The following FANK1 variants were observed in gnomAD, a reference collection of about 807,000 sequenced individuals.
FANK1 encodes the protein fibronectin type III and ankyrin repeat domains 1.
In FANK1, 44 loss-of-function variants were observed where a neutral mutation model predicts 45.3. The ratio of observed to expected loss-of-function variants is 0.97; its 90% confidence interval spans 0.76 to 1.25. The LOEUF is 1.25. Among genes scored for constraint, FANK1 ranks in the 50% most tolerant of loss-of-function variants. The probability of loss-of-function intolerance (pLI) is 0.00; values close to 1 mark genes in which losing one functional copy is unlikely to be tolerated. For synonymous variants in FANK1, 149 were observed against 152.5 expected, an observed-to-expected ratio of 0.98 and a Z score of 0.17; for missense variants, 391 against 424.4, an observed-to-expected ratio of 0.92 and a Z score of 0.69.
chr10:125,970,113 A>C (rs1288536807), intron 1 of FANK1, among the ~76,000 whole-genome samples: 1 of 152,168 alleles, frequency 6.6e-6, no homozygotes, highest in African/African-American at 2.4e-5. Context: ...CATCGTCATC[A>C]TGGCCCGTTC....
chr10:125,923,683 A>G (rs1267833572), intron 1 of FANK1, among the ~76,000 whole-genome samples: 5 of 152,006 alleles, frequency 3.3e-5, no homozygotes, highest in Middle Eastern at 3.4e-3. Context: ...ACGTGCCACC[A>G]TGCCCAGCTA....
intron 1 of FANK1, among the ~76,000 whole-genome samples, chr10:125,932,735 C>T (rs1453913992): frequency 6.6e-6 from 1 of 152,144 alleles, no homozygotes; most frequent in African/African-American, 2.4e-5. Flanking sequence ...GTAGGACTTA[C>T]AGTACTATGT....
At chr10:125,940,279 A>G (rs1948365446) in intron 1 of FANK1, among the ~76,000 whole-genome samples, 3 of 152,312 alleles carry the variant, frequency 2.0e-5, no homozygotes, top group Middle Eastern at 3.4e-3. Flanking sequence ...TGTTTTCACT[A>G]TCTCAGCCAG....
At chr10:125,898,343 C>G (rs1186147503) in intron 1 of FANK1, among the ~76,000 whole-genome samples, 1 of 151,986 alleles carries the variant, frequency 6.6e-6, no homozygotes, top group Non-Finnish European at 1.5e-5. Context: ...GATTGAACAA[C>G]GGATCGGACA....
At chr10:125,925,015 A>G (rs1417046206) in intron 1 of FANK1, among the ~76,000 whole-genome samples, 1 of 137,778 alleles carries the variant, frequency 7.3e-6, no homozygotes, top group Admixed American at 9.0e-5. Flanking sequence ...TTGTTACTTA[A>G]CACTCGTCTA....
intron 1 of FANK1, among the ~76,000 whole-genome samples, chr10:125,913,076 T>C (rs1946156181): frequency 6.6e-6 from 1 of 152,254 alleles, no homozygotes; most frequent in Admixed American, 6.5e-5. Context: ...AACATAATTT[T>C]TGTTTCCTGA....
intron 6 of FANK1, among the ~76,000 whole-genome samples, chr10:126,003,200 C>T (rs989444754): frequency 3.3e-5 from 5 of 151,644 alleles, no homozygotes; most frequent in South Asian, 2.1e-4. Flanking sequence ...GCTTGTCTCC[C>T]GGTTGTGGGG....
At chr10:125,964,882 A>G (rs928070955) in intron 1 of FANK1, among the ~76,000 whole-genome samples, 2 of 152,198 alleles carry the variant, frequency 1.3e-5, no homozygotes, top group Non-Finnish European at 1.5e-5. Context: ...CTATTGGCAG[A>G]TTTTAGATTT....
At chr10:125,992,751 G>T (rs1006601456) in intron 3 of FANK1, among the ~76,000 whole-genome samples, 1 of 152,072 alleles carries the variant, frequency 6.6e-6, no homozygotes, top group Non-Finnish European at 1.5e-5. Flanking sequence ...GTAAGATGGA[G>T]GCTGTGGAGT....
chr10:125,934,709 A>AC (rs1259678121), intron 1 of FANK1, among the ~76,000 whole-genome samples: 14 of 94,668 alleles, frequency 1.5e-4, no homozygotes, highest in Non-Finnish European at 2.4e-4. Flanking sequence ...AGTTCCCACC[A>AC]CCTGTACCCC....
chr10:125,971,922 C>T (rs1046886430), intron 1 of FANK1, among the ~76,000 whole-genome samples: 22 of 152,140 alleles, frequency 1.4e-4, no homozygotes, highest in African/African-American at 5.1e-4. Flanking sequence ...CCACTGCGCC[C>T]GGCCGCTCCG....
intron 1 of FANK1, among the ~76,000 whole-genome samples, chr10:125,962,218 T>G (rs1385339994): frequency 1.3e-5 from 2 of 152,158 alleles, no homozygotes; most frequent in Admixed American, 6.5e-5. Flanking sequence ...TCTGCTGTCT[T>G]TCTTTGTTTT....
In FANK1 at chr10:125,943,914, TGC is replaced by T. The variant is rs1304988156; in HGVS notation, c.14-36245_14-36244del. On this transcript the variant is annotated intron_variant, in intron 1 of 10. Transcript: ENST00000368693. ...GGGATAACTAAGTGATAAAGCGAAC[TGC>T]GTCCAGAATATATTTTAAGTACTTA... is the stretch of plus-strand genomic sequence containing the variant. Among the ~76,000 whole-genome samples, 5 of 152,382 alleles carry T rather than the reference TGC, an allele frequency of 3.3e-5. No homozygotes were observed. In the East Asian group the frequency reaches 5.8e-4, roughly 18 times the overall value.
Position 125,934,724 on chromosome 10 carries a change from GTTTT to G in FANK1, c.13+38103_13+38106del, listed in dbSNP as rs145182884. Among the ~76,000 whole-genome samples the G allele has an allele frequency of 8.6e-3, 226 of 26,430 alleles. 5 individuals carry two copies. The highest frequency in any genetic ancestry group is 0.026 in the Admixed American group (40 of 1,534). The allele number at this position is 26,430 out of a possible 152,430, so 17.3% of individuals were successfully genotyped here. On this transcript the variant is annotated intron_variant, in intron 1 of 10. Transcript: ENST00000368693. ...AGTTCCCACCACCTGTACCCCTACC[GTTTT>G]TTTTTTTTTTTTTTTTTTTTTTTTT...
At chr10:125,930,117 T>A (rs1250441875) in intron 1 of FANK1, among the ~76,000 whole-genome samples, 1 of 152,094 alleles carries the variant, frequency 6.6e-6, no homozygotes, top group East Asian at 1.9e-4. Context: ...TGCAGTGGCA[T>A]GATCCTGGCT....
At chr10:125,939,935 T>TTA (rs1256897610) in intron 1 of FANK1, among the ~76,000 whole-genome samples, 1 of 139,890 alleles carries the variant, frequency 7.1e-6, no homozygotes, top group African/African-American at 3.1e-5. Flanking sequence ...ATTATTATTA[T>TTA]TTTTTTTTTT....
intron 1 of FANK1, among the ~76,000 whole-genome samples, chr10:125,916,604 A>G (rs1946467210): frequency 6.6e-6 from 1 of 152,122 alleles, no homozygotes; most frequent in Non-Finnish European, 1.5e-5. Flanking sequence ...AAAATATGGT[A>G]TATATATACA....
intron 1 of FANK1, among the ~76,000 whole-genome samples, chr10:125,950,928 T>G (rs892913455): frequency 1.2e-4 from 18 of 150,742 alleles, no homozygotes; most frequent in Admixed American, 1.1e-3. Context: ...AAATGATGAG[T>G]TCGCGTCCTT....
intron 1 of FANK1, among the ~76,000 whole-genome samples, chr10:125,957,220 CACAAGAACCTTACGACAGT>C (rs1351448195): frequency 6.6e-6 from 1 of 152,188 alleles, no homozygotes; most frequent in East Asian, 1.9e-4. Context: ...TGATGTTATG[CACAAGAACCTTACGACAGT>C]ATTCTTCCAG....
Sources: allele counts gnomAD v4.1 joint callset (sites outside exome capture counted in the v4.1 genomes callset), GRCh38; gene constraint gnomAD v4.1.1; transcripts MANE v1.5; gene names NCBI Gene and HGNC (gene_info 2026-07-23, HGNC 2026-07-21).